The following GPSM2 variants were observed in gnomAD, a reference collection of about 807,000 sequenced individuals.
The protein encoded by GPSM2 is G protein-signaling modulator 2.
GPSM2 carries 58 observed loss-of-function variants against 78.4 expected under a neutral mutation model. That is an observed-to-expected ratio of 0.74 (90% CI 0.60 to 0.92). GPSM2 has a LOEUF of 0.92. Among genes scored for constraint, GPSM2 ranks in the 40% least tolerant of loss-of-function variants. GPSM2 has a pLI of 0.00. For synonymous variants in GPSM2, 224 were observed against 280.2 expected (o/e 0.80, Z 2.00); for missense variants, 700 against 815.5 (o/e 0.86, Z 1.73).
At chr1:108,928,262 G>A (rs1282003146) in intron 14 of GPSM2, among the ~76,000 whole-genome samples, 1 of 152,208 alleles carries the variant, frequency 6.6e-6, no homozygotes, top group African/African-American at 2.4e-5. Context: ...TTTCTATAGA[G>A]ATAACAAGAG....
chr1:108,928,490 C>G (rs2101566885), intron 14 of GPSM2, among the ~76,000 whole-genome samples: 1 of 152,348 alleles, frequency 6.6e-6, no homozygotes, highest in South Asian at 2.1e-4. Context: ...CAGTAAATAA[C>G]TGCACCCTCT....
chr1:108,914,556 T>C, intron 11 of GPSM2, 148 bp downstream of exon 11: 2 of 646,792 alleles, frequency 3.1e-6, no homozygotes, highest in Admixed American at 5.6e-5. Flanking sequence ...AGAAAAAGTA[T>C]AGTGCAAAAA....
In GPSM2 at chr1:108,930,089, G is replaced by T. The variant is rs1475979442; in HGVS notation, c.*149G>T. 2.7e-6 allele frequency: 2 copies of T among 737,794 alleles called. No homozygotes were observed. Among genetic ancestry groups the T allele is most frequent in the East Asian group, 5.2e-5 (2 of 38,186 alleles). The allele number at this position is 737,794 out of a possible 1,614,324, so 45.7% of individuals were successfully genotyped here. A position where few individuals can be genotyped will look rare whatever the true frequency, so the allele number is the denominator to read the frequency against. On this transcript the variant is annotated 3_prime_UTR_variant, in exon 15 of 15. Transcript: ENST00000264126. ...AGTTAACCTTCAGTAGTCTATTAAGGCATTAATACTTCTCTGGACATGCGC... is the reference window on the plus strand; with the variant it reads ...AGTTAACCTTCAGTAGTCTATTAAGTCATTAATACTTCTCTGGACATGCGC...
At chr1:108,904,779 T>C (rs916511441) in intron 10 of GPSM2, among the ~76,000 whole-genome samples, 2 of 152,056 alleles carry the variant, frequency 1.3e-5, no homozygotes, top group Admixed American at 1.3e-4. Flanking sequence ...TGGCAAAACC[T>C]ATCTTTAGGA....
At chr1:108,918,531 C>A in intron 11 of GPSM2, 82 bp from the exon 12 acceptor site, 1 of 989,102 alleles carries the variant, frequency 1.0e-6, no homozygotes, top group South Asian at 1.3e-5. Context: ...GTGAGTACGT[C>A]AGGTTAATAT....
chr1:108,918,534 G>T (rs1042059268), intron 11 of GPSM2, 79 bp from the exon 12 acceptor site: 1 of 1,044,740 alleles, frequency 9.6e-7, no homozygotes, highest in African/African-American at 1.6e-5. Flanking sequence ...AGTACGTCAG[G>T]TTAATATTAT....
chr1:108,917,641 TATATATATATATATATATATATATAA>T (rs1650362469), intron 11 of GPSM2, among the ~76,000 whole-genome samples: 1 of 24,844 alleles, frequency 4.0e-5, no homozygotes, highest in African/African-American at 3.3e-4. Flanking sequence ...TATATATATA[TATATATATATATATATATATATATAA>T]ATGAGTTCTC....
chr1:108,887,337 G>T (rs1001227893), intron 2 of GPSM2, among the ~76,000 whole-genome samples: 2 of 152,150 alleles, frequency 1.3e-5, no homozygotes, highest in African/African-American at 4.8e-5. Context: ...ACAGGCAGGT[G>T]GGGGAGGTAG....
chr1:108,879,025 C>A (rs886627643), intron 1 of GPSM2, among the ~76,000 whole-genome samples: 1 of 152,166 alleles, frequency 6.6e-6, no homozygotes, highest in Non-Finnish European at 1.5e-5. Flanking sequence ...TTTAAAGATG[C>A]CTTTAGGTGC....
At chr1:108,917,152 G>A (rs1026130279) in intron 11 of GPSM2, among the ~76,000 whole-genome samples, 1 of 152,052 alleles carries the variant, frequency 6.6e-6, no homozygotes, top group Non-Finnish European at 1.5e-5. Context: ...TCACATCAAG[G>A]ACCATTTTCC....
intron 2 of GPSM2, among the ~76,000 whole-genome samples, chr1:108,890,728 G>A (rs975825859): frequency 1.3e-5 from 2 of 152,124 alleles, no homozygotes; most frequent in African/African-American, 4.8e-5. Flanking sequence ...CTCTATCCCT[G>A]GAGGAGTTTC....
chr1:108,924,533 T>C (rs1361923681), intron 14 of GPSM2, among the ~76,000 whole-genome samples: 4 of 152,102 alleles, frequency 2.6e-5, no homozygotes, highest in Non-Finnish European at 5.9e-5. Flanking sequence ...AAAGGGGTAG[T>C]GGGTAAGCAA....
At chr1:108,885,196 T>C (rs1187099095) in intron 1 of GPSM2, 79 bp from the exon 2 acceptor site, 1 of 220,440 alleles carries the variant, frequency 4.5e-6, no homozygotes, top group East Asian at 1.0e-4. Context: ...TAGCTTGTGA[T>C]TATGTACAGC....
rs542025248 is a variant in GPSM2 at position 108,909,531 on chromosome 1, T to C, written c.1193-4807T>C. Reference sequence around the variant, plus strand: ...TTAAAGTTAGAAAGTAACTTAGGACTGAATTATAAAAATATTGTTTCAATT... The same window carrying C: ...TTAAAGTTAGAAAGTAACTTAGGACCGAATTATAAAAATATTGTTTCAATT... On this transcript the variant is annotated intron_variant, in intron 10 of 14. Coordinates refer to ENST00000264126, the MANE Select transcript of GPSM2 (RefSeq NM_013296.5). 2.0e-5 allele frequency: 3 copies of C among 152,328 alleles called. No individual in the cohort carries two copies. The South Asian group carries it at 6.2e-4, about 32-fold the overall frequency. 9.4% of individuals were successfully genotyped at this position (152,328 alleles called of 1,614,324 possible).
intron 10 of GPSM2, among the ~76,000 whole-genome samples, chr1:108,908,740 C>CACACACACACACACACACACA (rs1553213496): frequency 1.3e-5 from 2 of 152,056 alleles, no homozygotes; most frequent in Admixed American, 6.5e-5. Flanking sequence ...CACACACACG[C>CACACACACACACACACACACA]CGGGGCAGTG....
intron 1 of GPSM2, 155 bp downstream of exon 1, chr1:108,877,383 C>G (rs1331652580): frequency 6.6e-6 from 1 of 152,170 alleles, no homozygotes; most frequent in Admixed American, 6.6e-5. Flanking sequence ...TGGGGGCTTG[C>G]GGGACCTGTG....
At chr1:108,890,880 T>TA (rs142409735) in intron 2 of GPSM2, among the ~76,000 whole-genome samples, 173 of 151,744 alleles carry the variant, frequency 1.1e-3, no homozygotes, top group East Asian at 9.1e-3. Flanking sequence ...CAATTTAAGT[T>TA]AAAAAAAAAT....
rs1230269506 is a variant in GPSM2 at position 108,931,243 on chromosome 1, A to AAATT, written c.*1306_*1309dup. 5.6e-6 allele frequency: 8 copies of AAATT among 1,421,054 alleles called. No individual in the cohort carries two copies. The African/African-American group carries it at 5.8e-5, about 10-fold the overall frequency. The allele number at this position is 1,421,054 out of a possible 1,614,324, so 88.0% of individuals were successfully genotyped here. ...ACAGAAAACAGATGAAAACTCACAAAAATTAAATATGAAAGAAAGATGTCA... is the reference window on the plus strand; with the variant it reads ...ACAGAAAACAGATGAAAACTCACAAAAATTAATTAAATATGAAAGAAAGATGTCA... On this transcript the variant is annotated 3_prime_UTR_variant, in exon 15 of 15. Transcript: ENST00000264126.
chr1:108,893,927 T>G (rs1196114361), intron 2 of GPSM2, among the ~76,000 whole-genome samples: 1 of 151,980 alleles, frequency 6.6e-6, no homozygotes, highest in East Asian at 1.9e-4. Flanking sequence ...CGGTGGTGCA[T>G]GCCTGTAATC....
Sources: gnomAD v4.1 joint callset for allele counts (sites outside exome capture counted in the v4.1 genomes callset) on GRCh38, gnomAD v4.1.1 for gene constraint, MANE v1.5 for transcripts, NCBI Gene and HGNC (gene_info 2026-07-23, HGNC 2026-07-21) for gene names.